GPR39: variants seen among roughly 807,000 people sequenced by gnomAD.
The protein encoded by GPR39 is G protein-coupled receptor 39.
A neutral mutation model predicts 18.4 loss-of-function variants in GPR39; 23 were observed. The ratio of observed to expected loss-of-function variants is 1.25; its 90% confidence interval spans 0.90 to 1.77. The LOEUF (loss-of-function observed/expected upper bound fraction) is 1.77. GPR39 is among the 40% of genes most tolerant of loss of function. GPR39 has a pLI of 0.00. For synonymous variants in GPR39, 280 were observed against 257.9 expected (o/e 1.09, Z -0.82); for missense variants, 647 against 602.4 (o/e 1.07, Z -0.78).
chr2:132,617,650 G>T (rs6707266), intron 1 of GPR39, among the ~76,000 whole-genome samples: 3,748 of 152,022 alleles, frequency 0.025, 140 homozygotes, highest in African/African-American at 0.085. Context: ...TTTGTCATAC[G>T]TATAGGAAAT....
At chr2:132,542,853 C>T (rs1679885626) in intron 1 of GPR39, among the ~76,000 whole-genome samples, 1 of 152,238 alleles carries the variant, frequency 6.6e-6, no homozygotes, top group Admixed American at 6.5e-5. Flanking sequence ...ACAAGACTAC[C>T]CAGTTAGAGT....
At chr2:132,506,306 C>T (rs1558819970) in intron 1 of GPR39, among the ~76,000 whole-genome samples, 1 of 152,038 alleles carries the variant, frequency 6.6e-6, no homozygotes, top group African/African-American at 2.4e-5. Context: ...ATATTAGTCC[C>T]TTGTTAGATG....
At chr2:132,558,499 C>A (rs1261770729) in intron 1 of GPR39, among the ~76,000 whole-genome samples, 1 of 152,158 alleles carries the variant, frequency 6.6e-6, no homozygotes, top group Non-Finnish European at 1.5e-5. Flanking sequence ...ACATTTGTGA[C>A]ACAGAGATCA....
At chr2:132,421,233 G>T (rs6430317) in intron 1 of GPR39, among the ~76,000 whole-genome samples, 32,548 of 152,142 alleles carry the variant, frequency 0.21, 3,640 homozygotes, top group African/African-American at 0.26. Flanking sequence ...TCTCAATGCA[G>T]ATAGCATCCA....
chr2:132,570,334 G>A (rs961707115), intron 1 of GPR39, among the ~76,000 whole-genome samples: 1 of 151,992 alleles, frequency 6.6e-6, no homozygotes, highest in Non-Finnish European at 1.5e-5. Context: ...ATCTGCTCCA[G>A]GGAAGTCTCC....
At chr2:132,455,099 C>G (rs886639856) in intron 1 of GPR39, among the ~76,000 whole-genome samples, 1 of 152,030 alleles carries the variant, frequency 6.6e-6, no homozygotes, top group African/African-American at 2.4e-5. Context: ...CGGCTGTGAA[C>G]CTGTCTGGTC....
intron 1 of GPR39, among the ~76,000 whole-genome samples, chr2:132,535,712 G>GTTTTTT (rs1553454959): frequency 2.0e-5 from 1 of 49,012 alleles, no homozygotes; most frequent in African/African-American, 8.5e-5. Context: ...TTTTTGGTTG[G>GTTTTTT]TAGGCTATTA....
chr2:132,481,216 GA>G (rs1014063731), intron 1 of GPR39, among the ~76,000 whole-genome samples: 2 of 152,206 alleles, frequency 1.3e-5, no homozygotes, highest in African/African-American at 4.8e-5. Flanking sequence ...ACAGGGACCA[GA>G]GGTTTACAAA....
intron 1 of GPR39, among the ~76,000 whole-genome samples, chr2:132,573,125 C>G (rs534017047): frequency 2.7e-5 from 4 of 146,774 alleles, no homozygotes; most frequent in Non-Finnish European, 5.9e-5. Context: ...AACTCTTGTC[C>G]TTACTTACCC....
chr2:132,552,115 T>C (rs1344169464), intron 1 of GPR39, among the ~76,000 whole-genome samples: 2 of 152,220 alleles, frequency 1.3e-5, no homozygotes, highest in Non-Finnish European at 2.9e-5. Context: ...GTACAGACTT[T>C]TCTGGCTATT....
At chr2:132,625,274 G>C (rs1289709176) in intron 1 of GPR39, among the ~76,000 whole-genome samples, 4 of 152,116 alleles carry the variant, frequency 2.6e-5, no homozygotes, top group Non-Finnish European at 5.9e-5. Context: ...CTGGCCACTT[G>C]GCTGGCCTCC....
intron 1 of GPR39, among the ~76,000 whole-genome samples, chr2:132,426,078 AAACACATGGCC>A (rs2104755607): frequency 6.6e-6 from 1 of 152,344 alleles, no homozygotes; most frequent in East Asian, 1.9e-4. Context: ...GCTCCCAGGT[AAACACATGGCC>A]TACCTTAGTT....
intron 1 of GPR39, among the ~76,000 whole-genome samples, chr2:132,634,664 A>G (rs1376213878): frequency 6.6e-6 from 1 of 152,138 alleles, no homozygotes; most frequent in African/African-American, 2.4e-5. Flanking sequence ...TTGTCTACAA[A>G]TTTCCTTCTT....
At chr2:132,627,676 C>G (rs1251940714) in intron 1 of GPR39, among the ~76,000 whole-genome samples, 1 of 152,194 alleles carries the variant, frequency 6.6e-6, no homozygotes, top group African/African-American at 2.4e-5. Context: ...ATCTCCCTCA[C>G]TGCACAGTGC....
intron 1 of GPR39, among the ~76,000 whole-genome samples, chr2:132,599,132 G>C (rs766034843): frequency 7.2e-5 from 11 of 151,980 alleles, no homozygotes; most frequent in Non-Finnish European, 1.2e-4. Flanking sequence ...AGTTATAAAG[G>C]GGGTGGAGGA....
chr2:132,556,457 T>C (rs959507293), intron 1 of GPR39, among the ~76,000 whole-genome samples: 4 of 152,174 alleles, frequency 2.6e-5, no homozygotes, highest in Non-Finnish European at 5.9e-5. Flanking sequence ...CAGTACACCA[T>C]TGGCTCTAAG....
At chr2:132,434,223 T>C (rs1272443165) in intron 1 of GPR39, among the ~76,000 whole-genome samples, 1 of 152,180 alleles carries the variant, frequency 6.6e-6, no homozygotes, top group Non-Finnish European at 1.5e-5. Context: ...CAGGAAGGGA[T>C]AGGCTAACTC....
At chr2:132,480,097 A>G (rs2104788871) in intron 1 of GPR39, among the ~76,000 whole-genome samples, 1 of 152,354 alleles carries the variant, frequency 6.6e-6, no homozygotes, top group Non-Finnish European at 1.5e-5. Flanking sequence ...AGGAAATACC[A>G]TCAGATACTA....
chr2:132,540,440 A>C (rs904216463), intron 1 of GPR39, among the ~76,000 whole-genome samples: 1 of 152,080 alleles, frequency 6.6e-6, no homozygotes, highest in Non-Finnish European at 1.5e-5. Flanking sequence ...GAATGTCTCT[A>C]CTGACTCCTT....
Sources: gnomAD v4.1 joint callset for allele counts (sites outside exome capture counted in the v4.1 genomes callset) on GRCh38, gnomAD v4.1.1 for gene constraint, MANE v1.5 for transcripts, NCBI Gene and HGNC (gene_info 2026-07-23, HGNC 2026-07-21) for gene names.